The following NOP9 variants were observed in gnomAD, a reference collection of about 807,000 sequenced individuals.
NOP9 encodes NOP9 nucleolar protein, also known as nucleolar protein 9.
NOP9 carries 50 observed loss-of-function variants against 63.0 expected under a neutral mutation model. The ratio of observed to expected loss-of-function variants is 0.79; its 90% CI spans 0.63 to 1.00. NOP9 has a LOEUF of 1.00. NOP9 is among the 50% of genes least tolerant of loss of function. The probability of loss-of-function intolerance (pLI) is 0.00; values close to 1 mark genes in which losing one functional copy is unlikely to be tolerated. For missense variants in NOP9, 758 were observed against 803.0 expected, an observed-to-expected ratio of 0.94 and a Z score of 0.68; for synonymous variants, 343 against 332.8, an observed-to-expected ratio of 1.03 and a Z score of -0.33.
Position 24,308,074 on chromosome 14 carries a change from A to C in NOP9, c.*2979A>C. ...AGGGGCCAGATGGGGTCCTGGAGGAAGAATTGCCTGGCAAAAGCCATTGGA... is the reference window on the plus strand; with the variant it reads ...AGGGGCCAGATGGGGTCCTGGAGGACGAATTGCCTGGCAAAAGCCATTGGA... On this transcript the variant is annotated 3_prime_UTR_variant, in exon 10 of 10. Transcript: ENST00000267425. 1.7e-6 allele frequency: 1 copy of C among 593,716 alleles called. No individual in the cohort carries two copies. Among genetic ancestry groups the C allele is most frequent in the Non-Finnish European group, 3.0e-6 (1 of 329,986 alleles). The allele number at this position is 593,716 out of a possible 1,614,324, so 36.8% of individuals were successfully genotyped here.
In NOP9 at chr14:24,303,765, G is replaced by C. The variant is rs747993449; in HGVS notation, c.1318G>C (p.Val440Leu). Residue 440 changes from valine to leucine, a missense_variant, in exon 7 of 10, where the codon GTG (valine) becomes CTG (leucine). Transcript: ENST00000267425. ...FHCAEPSSRQ[V>L]ACVPLFATLM... ...CTGTGCAGAGCCCTCATCCCGGCAA[G>C]TGGCCTGTGTGCCTCTCTTTGCCAC... The C allele has an allele frequency of 1.2e-6, 2 of 1,614,134 alleles. No individual in the cohort carries two copies. Among genetic ancestry groups the C allele is most frequent in the Non-Finnish European group, 1.7e-6 (2 of 1,179,964 alleles).
the NOP9 span, chr14:24,290,870 T>C: frequency 6.2e-7 from 1 of 1,613,624 alleles, no homozygotes; most frequent in African/African-American, 1.3e-5. Flanking sequence ...TAGAACTTGC[T>C]AGTGTAGAGG....
rs1195850413 is a variant in NOP9, at chr14:24,307,679, A to G, written c.*2584A>G. The G allele has an allele frequency of 4.0e-6, 5 of 1,250,236 alleles. No individual in the cohort carries two copies. The highest frequency in any genetic ancestry group is 5.7e-6 in the Non-Finnish European group (5 of 879,080). The allele number at this position is 1,250,236 out of a possible 1,614,324, so 77.4% of individuals were successfully genotyped here. The stretch of plus-strand genomic sequence containing the variant: ...GAGTGCAGGTGGGGGCGGGTGGCTC[A>G]GGAGCTTGACAAGCCCACTGTGGAG... On this transcript the variant is annotated 3_prime_UTR_variant, in exon 10 of 10. Coordinates refer to ENST00000267425, the MANE Select transcript of NOP9 (RefSeq NM_174913.3).
intron 5 of NOP9, among the ~76,000 whole-genome samples, chr14:24,302,843 G>C (rs1408819963): frequency 6.6e-6 from 1 of 152,196 alleles, no homozygotes; most frequent in Non-Finnish European, 1.5e-5. Flanking sequence ...CTTGCTCCTA[G>C]TGCTCCCTTA....
chr14:24,292,273 C>T, the NOP9 span: 1 of 1,614,196 alleles, frequency 6.2e-7, no homozygotes, highest in East Asian at 2.2e-5. Flanking sequence ...CACAGAGACA[C>T]ACAGCTGACC....
At position 24,305,227 on chromosome 14, in the gene NOP9, G is replaced by T; in HGVS notation, c.*132G>T. The T allele has an allele frequency of 9.6e-7, 1 of 1,037,514 alleles. No homozygotes were observed. The highest frequency in any genetic ancestry group is 1.6e-5 in the African/African-American group (1 of 60,630). 64.3% of individuals were successfully genotyped at this position (1,037,514 alleles called of 1,614,324 possible). A position where few individuals can be genotyped will look rare whatever the true frequency, so the allele number is the denominator to read the frequency against. ...TGATATTTTTATTGGAAATGTTTTT[G>T]TTAGTTTGAGGGGAAGGGTATGAAG... On this transcript the variant is annotated 3_prime_UTR_variant, in exon 10 of 10. Transcript: ENST00000267425.
chr14:24,277,041 T>TG, the NOP9 span, among the ~76,000 whole-genome samples: 9 of 151,926 alleles, frequency 5.9e-5, no homozygotes, highest in East Asian at 7.7e-4. Context: ...CCTGTGGCTG[T>TG]GGGGGGGCAG....
chr14:24,290,368 G>A, the NOP9 span, among the ~76,000 whole-genome samples: 1 of 152,218 alleles, frequency 6.6e-6, no homozygotes, highest in Non-Finnish European at 1.5e-5. Context: ...GAATGGGGGT[G>A]GAAAACCAGT....
At chr14:24,279,668 T>C in the NOP9 span, among the ~76,000 whole-genome samples, 2 of 152,186 alleles carry the variant, frequency 1.3e-5, no homozygotes, top group Admixed American at 6.5e-5. Flanking sequence ...GAAGCCTCTG[T>C]GACAGGAGCC....
At chr14:24,304,671 A>C (rs997348605) in intron 9 of NOP9, 73 bp downstream of exon 9, 1 of 1,220,898 alleles carries the variant, frequency 8.2e-7, no homozygotes, top group African/African-American at 1.5e-5. Context: ...GGTAGCTGGG[A>C]AGTCTACTGA....
At chr14:24,292,656 G>C in the NOP9 span, 1 of 1,614,218 alleles carries the variant, frequency 6.2e-7, no homozygotes, top group Non-Finnish European at 8.5e-7. Flanking sequence ...CCTCACCGCA[G>C]CTTTGCCCAC....
At chr14:24,303,490 TCA>T (rs1236337289) in intron 6 of NOP9, among the ~76,000 whole-genome samples, 1 of 152,056 alleles carries the variant, frequency 6.6e-6, no homozygotes, top group Non-Finnish European at 1.5e-5. Flanking sequence ...AAATGTTATT[TCA>T]CAGTCCTGGA....
upstream of NOP9, among the ~76,000 whole-genome samples, chr14:24,298,155 C>G (rs1363648195): frequency 6.6e-6 from 1 of 152,142 alleles, no homozygotes; most frequent in Non-Finnish European, 1.5e-5. Context: ...AAACGATCCT[C>G]CTGCCTCAGC....
the NOP9 span, among the ~76,000 whole-genome samples, chr14:24,278,548 CAT>C: frequency 2.6e-5 from 4 of 152,116 alleles, no homozygotes; most frequent in Non-Finnish European, 5.9e-5. Flanking sequence ...CCAGATTTGT[CAT>C]GTGGTATTGA....
At chr14:24,292,858 T>A in the NOP9 span, 1 of 1,516,814 alleles carries the variant, frequency 6.6e-7, no homozygotes, top group Non-Finnish European at 8.8e-7. Flanking sequence ...TCTGGCGGCT[T>A]CCCCTGCCTT....
At chr14:24,280,565 A>G in the NOP9 span, among the ~76,000 whole-genome samples, 4 of 152,208 alleles carry the variant, frequency 2.6e-5, no homozygotes, top group Admixed American at 1.3e-4. Flanking sequence ...TTGCTCAACT[A>G]ACGTTAACAT....
chr14:24,291,726 C>G, the NOP9 span: 1 of 1,214,472 alleles, frequency 8.2e-7, no homozygotes, highest in Non-Finnish European at 1.2e-6. Flanking sequence ...AGACCAAAGA[C>G]CAAAGAGGCC....
rs2041393738 is a variant in NOP9, at chr14:24,302,356, C to T, written c.1075C>T (p.Leu359=). Residue 359 remains leucine, a synonymous_variant, in exon 5 of 10, where the codon CTG becomes TTG. Transcript: ENST00000267425. ...EEHLQGQLQT[L]AAHPIANFPL... The stretch of plus-strand genomic sequence containing the variant: ...GCACTTGCAGGGGCAGCTGCAGACC[C>T]TGGCTGCACATCCCATTGCCAACTT... 1 of 1,614,146 alleles carries T rather than the reference C, an allele frequency of 6.2e-7. No homozygotes were observed.
chr14:24,293,578 A>AAATAAATAAATAAATT, the NOP9 span: 7 of 151,848 alleles, frequency 4.6e-5, no homozygotes, highest in Non-Finnish European at 7.4e-5. Flanking sequence ...TCTCAAAAAT[A>AAATAAATAAATAAATT]AATAAATAAA....
Sources: gnomAD v4.1 joint callset for allele counts (sites outside exome capture counted in the v4.1 genomes callset) on GRCh38, gnomAD v4.1.1 for gene constraint, MANE v1.5 for transcripts, NCBI Gene and HGNC (gene_info 2026-07-23, HGNC 2026-07-21) for gene names.